GNAI1: variants seen among roughly 807,000 people sequenced by gnomAD.
GNAI1 encodes guanine nucleotide-binding protein G(i) subunit alpha-1.
GNAI1 carries 11 observed loss-of-function variants against 38.9 expected under a neutral mutation model. The observed-to-expected ratio is 0.28, with a 90% confidence interval of 0.18 to 0.47. GNAI1 has a LOEUF of 0.47. Ranked by LOEUF, GNAI1 falls within the 20% of genes least tolerant of loss-of-function variation. The probability of loss-of-function intolerance (pLI) is 0.99; values close to 1 mark genes in which losing one functional copy is unlikely to be tolerated. For missense variants in GNAI1, 317 were observed against 436.9 expected, an observed-to-expected ratio of 0.73 and a Z score of 2.45; for synonymous variants, 166 against 145.1, an observed-to-expected ratio of 1.14 and a Z score of -1.04.
At chr7:80,182,021 T>A (rs1009101160) in intron 1 of GNAI1, among the ~76,000 whole-genome samples, 6 of 151,980 alleles carry the variant, frequency 3.9e-5, no homozygotes, top group Non-Finnish European at 8.8e-5. Context: ...TTGACCCACA[T>A]CTCCCTCCCT....
intron 7 of GNAI1, among the ~76,000 whole-genome samples, chr7:80,213,682 C>A (rs540510916): frequency 3.3e-5 from 5 of 152,040 alleles, no homozygotes; most frequent in Admixed American, 6.6e-5. Flanking sequence ...CAGAGTAACT[C>A]AGCTTTCATC....
intron 1 of GNAI1, among the ~76,000 whole-genome samples, chr7:80,158,338 A>C (rs1215740748): frequency 6.6e-6 from 1 of 152,156 alleles, no homozygotes; most frequent in African/African-American, 2.4e-5. Flanking sequence ...CAGTGTTTCC[A>C]CATACTTATG....
intron 3 of GNAI1, among the ~76,000 whole-genome samples, chr7:80,190,914 G>A (rs958697031): frequency 1.9e-4 from 29 of 151,370 alleles, no homozygotes; most frequent in South Asian, 8.3e-4. Flanking sequence ...TAACTTGGGC[G>A]TAGTTTCAAG....
chr7:80,201,176 G>C (rs924245369), intron 4 of GNAI1, among the ~76,000 whole-genome samples: 2 of 152,132 alleles, frequency 1.3e-5, no homozygotes, highest in Admixed American at 1.3e-4. Flanking sequence ...CTTACAGGAA[G>C]AACACAACTC....
At chr7:80,178,613 A>G (rs930199168) in intron 1 of GNAI1, among the ~76,000 whole-genome samples, 13 of 152,218 alleles carry the variant, frequency 8.5e-5, no homozygotes, top group Admixed American at 6.5e-4. Context: ...TTTTAGTAAT[A>G]AAGTATTTTT....
Position 80,220,236 on chromosome 7 carries a change from A to G in GNAI1, c.*2743A>G, listed in dbSNP as rs1002173902. Among the ~76,000 whole-genome samples, 1 of 84,596 alleles carries G rather than the reference A, an allele frequency of 1.2e-5. No individual in the cohort carries two copies. The highest frequency in any genetic ancestry group is 8.6e-5 in the African/African-American group (1 of 11,658). The allele number at this position is 84,596 out of a possible 152,430, so 55.5% of individuals were successfully genotyped here. On this transcript the variant is annotated 3_prime_UTR_variant, in exon 8 of 8. Coordinates refer to ENST00000649796, the MANE Select transcript of GNAI1 (RefSeq NM_002069.6). ...TGGGCTTTCCTCCAAGTACTGTATT[A>G]CTTACTACATGTGATATGCTTAGAG...
chr7:80,136,861 G>A (rs1237867067), intron 1 of GNAI1, among the ~76,000 whole-genome samples: 1 of 152,152 alleles, frequency 6.6e-6, no homozygotes, highest in Non-Finnish European at 1.5e-5. Context: ...CCTTTAATTA[G>A]GTGACTGTTA....
chr7:80,136,152 C>A, intron 1 of GNAI1: 1 of 561,830 alleles, frequency 1.8e-6, no homozygotes, highest in Non-Finnish European at 2.3e-6. Context: ...AAATGTTTGA[C>A]GGGGAAGAAA....
intron 1 of GNAI1, among the ~76,000 whole-genome samples, chr7:80,146,487 T>C (rs986861167): frequency 2.0e-5 from 3 of 152,214 alleles, no homozygotes; most frequent in African/African-American, 4.8e-5. Flanking sequence ...TTTCCCACAA[T>C]TATTCCTACT....
intron 3 of GNAI1, among the ~76,000 whole-genome samples, chr7:80,194,315 A>G (rs1214972194): frequency 6.6e-6 from 1 of 151,612 alleles, no homozygotes; most frequent in Non-Finnish European, 1.5e-5. Flanking sequence ...TTCATTTACC[A>G]CTTGGAATCT....
chr7:80,185,190 C>T (rs1788367295), intron 1 of GNAI1, among the ~76,000 whole-genome samples: 1 of 152,056 alleles, frequency 6.6e-6, no homozygotes, highest in African/African-American at 2.4e-5. Flanking sequence ...GCCATGTTCA[C>T]AGGGTTAAAA....
At chr7:80,215,233 T>C (rs981475263) in intron 7 of GNAI1, among the ~76,000 whole-genome samples, 1 of 152,188 alleles carries the variant, frequency 6.6e-6, no homozygotes, top group African/African-American at 2.4e-5. Flanking sequence ...GAATGAAGAA[T>C]GTTCATTCAT....
At position 80,175,364 on chromosome 7, in the gene GNAI1, A is replaced by ATGTGTGTGTG. The variant is rs71518972; in HGVS notation, c.119-13575_119-13566dup. Among the ~76,000 whole-genome samples, 278 of 150,478 alleles carry ATGTGTGTGTG rather than the reference A, an allele frequency of 1.8e-3. 8 individuals are homozygous for ATGTGTGTGTG. The East Asian group carries it at 0.044, about 24-fold the overall frequency. On this transcript the variant is annotated intron_variant, in intron 1 of 7. Transcript: ENST00000649796. ...TTAAAAAATATATATGTGTATATTTATGTGTGTGTGTGTGTGTGTGTATAA... is the reference window on the plus strand; with the variant it reads ...TTAAAAAATATATATGTGTATATTTATGTGTGTGTGTGTGTGTGTGTGTGTGTGTGTATAA...
intron 1 of GNAI1, among the ~76,000 whole-genome samples, chr7:80,179,766 C>G (rs979398555): frequency 7.9e-5 from 12 of 152,064 alleles, no homozygotes; most frequent in Admixed American, 7.2e-4. Context: ...GGTGATTTAC[C>G]CAGTCCATAA....
chr7:80,190,883 TTC>T (rs1788468513), intron 3 of GNAI1, among the ~76,000 whole-genome samples: 3 of 152,206 alleles, frequency 2.0e-5, no homozygotes, highest in South Asian at 4.1e-4. Context: ...TGTTGTCGTT[TTC>T]TCTTTCTTTT....
chr7:80,213,183 A>T lies in GNAI1; in HGVS notation c.874+314A>T, dbSNP rs138391231. Among the ~76,000 whole-genome samples the T allele has an allele frequency of 3.3e-5, 5 of 152,342 alleles. No homozygotes were observed. The East Asian group carries it at 9.6e-4, about 29-fold the overall frequency. ...TACTGTGTGATGTACAATAAATAAG[A>T]CATGTCTCTGCCCACCATCTAATCT... On this transcript the variant is annotated intron_variant, in intron 7 of 7. Coordinates refer to ENST00000649796, the MANE Select transcript of GNAI1 (RefSeq NM_002069.6).
rs1260620443 is a variant in GNAI1 at position 80,223,165 on chromosome 7, C to G, written c.*5672C>G. On this transcript the variant is annotated 3_prime_UTR_variant, in exon 8 of 8. Transcript: ENST00000649796. Reference sequence around the variant, plus strand: ...TGGACCATCATACGTTGGGGACCATCTGTACATAGAGTAGGACTCTTGAGA... The same window carrying G: ...TGGACCATCATACGTTGGGGACCATGTGTACATAGAGTAGGACTCTTGAGA... Among the ~76,000 whole-genome samples the G allele has an allele frequency of 6.6e-6, 1 of 152,218 alleles. No individual in the cohort carries two copies.
At chr7:80,211,329 T>A (rs1788869349) in intron 6 of GNAI1, among the ~76,000 whole-genome samples, 1 of 152,212 alleles carries the variant, frequency 6.6e-6, no homozygotes, top group South Asian at 2.1e-4. Context: ...CATTTCTGTA[T>A]CTAATATCAA....
intron 1 of GNAI1, among the ~76,000 whole-genome samples, chr7:80,142,282 C>T (rs1468731356): frequency 1.3e-5 from 2 of 152,192 alleles, no homozygotes; most frequent in Admixed American, 1.3e-4. Context: ...TGTAATTTTA[C>T]ATTCTCCAGT....
Sources: gnomAD v4.1 joint callset for allele counts (sites outside exome capture counted in the v4.1 genomes callset) on GRCh38, gnomAD v4.1.1 for gene constraint, MANE v1.5 for transcripts, NCBI Gene and HGNC (gene_info 2026-07-23, HGNC 2026-07-21) for gene names.